PPP1R17: variants seen among roughly 807,000 people sequenced by gnomAD.
PPP1R17 encodes G-substrate.
PPP1R17 carries 12 observed loss-of-function variants against 15.9 expected under a neutral mutation model. The ratio of observed to expected loss-of-function variants is 0.75; its 90% CI spans 0.48 to 1.22. The LOEUF is 1.22. PPP1R17 is among the 50% of genes most tolerant of loss of function. The probability of loss-of-function intolerance (pLI) is 0.00; values close to 1 mark genes in which losing one functional copy is unlikely to be tolerated. For missense variants in PPP1R17, 211 were observed against 187.3 expected (o/e 1.13, Z -0.74); for synonymous variants, 63 against 64.5 (o/e 0.98, Z 0.11).
intron 1 of PPP1R17, among the ~76,000 whole-genome samples, chr7:31,691,232 A>T (rs1792328148): frequency 6.6e-6 from 1 of 152,228 alleles, no homozygotes; most frequent in Non-Finnish European, 1.5e-5. Context: ...ACATAGAGGA[A>T]GAGACCCTCC....
At chr7:31,699,182 G>A (rs1395426568) in intron 4 of PPP1R17, among the ~76,000 whole-genome samples, 2 of 72,334 alleles carry the variant, frequency 2.8e-5, no homozygotes, top group African/African-American at 1.5e-4. Context: ...GAAAGGTTCT[G>A]AGGACTGCCT....
intron 1 of PPP1R17, among the ~76,000 whole-genome samples, chr7:31,690,367 A>G (rs1408775509): frequency 6.6e-6 from 1 of 152,218 alleles, no homozygotes; most frequent in Non-Finnish European, 1.5e-5. Flanking sequence ...TCTCTATTTT[A>G]CAGATGAGGA....
At position 31,701,378 on chromosome 7, in the gene PPP1R17, G is replaced by C. The variant is rs115041213; in HGVS notation, c.388+4261G>C. On this transcript the variant is annotated intron_variant, in intron 4 of 4. Transcript: ENST00000342032. ...TGGGGCCTGAAGATATGACTGAATTGCTGCAATCTAATGATAAAATTTGAA... is the reference window on the plus strand; with the variant it reads ...TGGGGCCTGAAGATATGACTGAATTCCTGCAATCTAATGATAAAATTTGAA... Among the ~76,000 whole-genome samples, 997 of 152,240 alleles carry C rather than the reference G, an allele frequency of 6.5e-3. 8 individuals carry two copies. Among genetic ancestry groups the C allele is most frequent in the African/African-American group, 0.023 (949 of 41,522 alleles).
At chr7:31,700,929 A>G (rs1440113827) in intron 4 of PPP1R17, among the ~76,000 whole-genome samples, 1 of 152,202 alleles carries the variant, frequency 6.6e-6, no homozygotes, top group Non-Finnish European at 1.5e-5. Flanking sequence ...TCAAATTATT[A>G]CTGCTCATTA....
At chr7:31,687,623 G>A (rs1792159731) in intron 1 of PPP1R17, among the ~76,000 whole-genome samples, 1 of 152,222 alleles carries the variant, frequency 6.6e-6, no homozygotes, top group African/African-American at 2.4e-5. Context: ...CAGAAAGTAT[G>A]CTTCTCAAAA....
chr7:31,704,188 G>A (rs1792972479), intron 4 of PPP1R17, among the ~76,000 whole-genome samples: 1 of 152,224 alleles, frequency 6.6e-6, no homozygotes, highest in African/African-American at 2.4e-5. Context: ...ACACTAGAAA[G>A]GGATCAGGAT....
intron 1 of PPP1R17, among the ~76,000 whole-genome samples, chr7:31,688,323 C>A (rs1792193864): frequency 6.6e-6 from 1 of 152,188 alleles, no homozygotes; most frequent in African/African-American, 2.4e-5. Flanking sequence ...TTGGCTTCTA[C>A]CTTATATTGA....
At chr7:31,694,699 T>C (rs1024855409) in intron 2 of PPP1R17, among the ~76,000 whole-genome samples, 2 of 151,922 alleles carry the variant, frequency 1.3e-5, no homozygotes, top group African/African-American at 4.8e-5. Context: ...GACAGTGAAG[T>C]CCAAGGCAGA....
intron 1 of PPP1R17, among the ~76,000 whole-genome samples, chr7:31,691,797 TAAAAAAAA>T (rs377169335): frequency 2.3e-5 from 2 of 86,558 alleles, no homozygotes; most frequent in Admixed American, 1.4e-4. Flanking sequence ...ATGTAATGAT[TAAAAAAAA>T]AAAAAAAAAA....
At chr7:31,692,660 C>A (rs941160479) in intron 2 of PPP1R17, 137 bp downstream of exon 2, 4 of 729,414 alleles carry the variant, frequency 5.5e-6, no homozygotes, top group African/African-American at 5.3e-5. Context: ...ACAGCCAACA[C>A]CAGATGGGCA....
At chr7:31,698,195 T>A (rs1792690523) in intron 4 of PPP1R17, among the ~76,000 whole-genome samples, 3 of 152,200 alleles carry the variant, frequency 2.0e-5, no homozygotes, top group Admixed American at 2.0e-4. Flanking sequence ...CCCCACTGTT[T>A]CATTTAATAA....
At chr7:31,698,249 G>GA (rs1166317160) in intron 4 of PPP1R17, among the ~76,000 whole-genome samples, 1 of 152,216 alleles carries the variant, frequency 6.6e-6, no homozygotes, top group Non-Finnish European at 1.5e-5. Flanking sequence ...CATCACGACA[G>GA]AAACAGTCAG....
chr7:31,690,556 A>C (rs1792299908), intron 1 of PPP1R17, among the ~76,000 whole-genome samples: 1 of 152,246 alleles, frequency 6.6e-6, no homozygotes, highest in Admixed American at 6.5e-5. Context: ...CATCTTTAAG[A>C]TTTAGCAACT....
At position 31,690,670 on chromosome 7, in the gene PPP1R17, T is replaced by C. The variant is rs116561034; in HGVS notation, c.-36-1736T>C. 6.3e-3 allele frequency among the ~76,000 whole-genome samples: 961 copies of C among 152,254 alleles called. 11 individuals are homozygous for C. Among genetic ancestry groups the C allele is most frequent in the African/African-American group, 0.022 (915 of 41,548 alleles). On this transcript the variant is annotated intron_variant, in intron 1 of 4. Coordinates refer to ENST00000342032, the MANE Select transcript of PPP1R17 (RefSeq NM_006658.5). ...ACTAAATAACCTGCTATTAGGCACA[T>C]AAGAACAGCCATAGGATCCAAGTTA...
intron 3 of PPP1R17, among the ~76,000 whole-genome samples, chr7:31,696,430 G>A (rs1212139799): frequency 1.3e-5 from 2 of 152,210 alleles, no homozygotes; most frequent in Non-Finnish European, 2.9e-5. Flanking sequence ...AGTGTGGGTA[G>A]TGAATTGTGG....
intron 2 of PPP1R17, among the ~76,000 whole-genome samples, chr7:31,694,405 C>T (rs1258052471): frequency 6.6e-6 from 1 of 151,884 alleles, no homozygotes; most frequent in African/African-American, 2.4e-5. Flanking sequence ...CACACACACA[C>T]ACACACACAC....
At chr7:31,688,262 G>A (rs973099421) in intron 1 of PPP1R17, among the ~76,000 whole-genome samples, 4 of 152,200 alleles carry the variant, frequency 2.6e-5, no homozygotes, top group Non-Finnish European at 1.5e-5. Flanking sequence ...TGAGAGAACA[G>A]ATAACTGTCC....
Position 31,708,137 on chromosome 7 carries a change from A to T in PPP1R17, c.*854A>T, listed in dbSNP as rs1453083518. On this transcript the variant is annotated 3_prime_UTR_variant, in exon 5 of 5. Transcript: ENST00000342032. ...CATTCTCACTTATTTAGACTCTATT[A>T]CACTTTCTTGGATGAGAGGGGAGAG... 1 of 152,158 alleles carries T rather than the reference A, an allele frequency of 6.6e-6. No individual in the cohort carries two copies. The highest frequency in any genetic ancestry group is 1.5e-5 in the Non-Finnish European group (1 of 68,032). The allele number at this position is 152,158 out of a possible 1,614,324, so 9.4% of individuals were successfully genotyped here. A position where few individuals can be genotyped will look rare whatever the true frequency, so the allele number is the denominator to read the frequency against.
chr7:31,689,306 T>C (rs139421222), intron 1 of PPP1R17, among the ~76,000 whole-genome samples: 3 of 152,310 alleles, frequency 2.0e-5, no homozygotes, highest in African/African-American at 7.2e-5. Flanking sequence ...TGTGAAGTAT[T>C]AGACAACAAG....
Sources: allele counts gnomAD v4.1 joint callset (sites outside exome capture counted in the v4.1 genomes callset), GRCh38; gene constraint gnomAD v4.1.1; transcripts MANE v1.5; gene names NCBI Gene and HGNC (gene_info 2026-07-23, HGNC 2026-07-21).